SAMHD1: variants seen among roughly 807,000 people sequenced by gnomAD.
The protein encoded by SAMHD1 is deoxynucleoside triphosphate triphosphohydrolase SAMHD1.
SAMHD1 carries 54 observed loss-of-function variants against 79.6 expected under a neutral mutation model. The observed-to-expected ratio is 0.68, with a 90% confidence interval of 0.55 to 0.85. The LOEUF (loss-of-function observed/expected upper bound fraction) is 0.85. Among genes scored for constraint, SAMHD1 ranks in the 40% least tolerant of loss-of-function variants. The probability of loss-of-function intolerance (pLI) is 0.00; values close to 1 mark genes in which losing one functional copy is unlikely to be tolerated. For synonymous variants in SAMHD1, 260 were observed against 264.1 expected, an observed-to-expected ratio of 0.98 and a Z score of 0.15; for missense variants, 663 against 782.7, an observed-to-expected ratio of 0.85 and a Z score of 1.82.
chr20:36,946,077 G>C (rs1174123847), intron 2 of SAMHD1, among the ~76,000 whole-genome samples: 1 of 151,960 alleles, frequency 6.6e-6, no homozygotes, highest in African/African-American at 2.4e-5. Context: ...GAGGCCAAGA[G>C]TTCAAGACCA....
intron 9 of SAMHD1, among the ~76,000 whole-genome samples, chr20:36,915,861 T>C (rs1475323945): frequency 6.6e-6 from 1 of 151,968 alleles, no homozygotes; most frequent in Non-Finnish European, 1.5e-5. Context: ...AATACAGTGA[T>C]TAAAAATGAG....
At chr20:36,912,170 G>A in intron 10 of SAMHD1, 1 of 419,298 alleles carries the variant, frequency 2.4e-6, no homozygotes, top group Non-Finnish European at 4.4e-6. Context: ...CCTGTGCCGA[G>A]GTCCTGAGTG....
chr20:36,940,993 A>T (rs1434769617), intron 3 of SAMHD1, 46 bp downstream of exon 3: 1 of 1,368,368 alleles, frequency 7.3e-7, no homozygotes, highest in East Asian at 2.3e-5. Flanking sequence ...TAATTGAGTT[A>T]TATCACTTTA....
At chr20:36,934,254 A>G (rs1026792018) in intron 4 of SAMHD1, among the ~76,000 whole-genome samples, 2 of 151,260 alleles carry the variant, frequency 1.3e-5, no homozygotes, top group Admixed American at 6.6e-5. Flanking sequence ...GGCTGGGCAC[A>G]GTGGCTCATA....
intron 5 of SAMHD1, among the ~76,000 whole-genome samples, chr20:36,929,533 G>A (rs772125732): frequency 1.3e-5 from 2 of 152,046 alleles, no homozygotes; most frequent in Non-Finnish European, 2.9e-5. Flanking sequence ...TCAGGAGTTC[G>A]AGACCAGTTT....
chr20:36,927,599 GAGCCACCACACTCAGCCAAACTGAA>G (rs1406863211), intron 5 of SAMHD1, among the ~76,000 whole-genome samples: 1 of 152,126 alleles, frequency 6.6e-6, no homozygotes, highest in East Asian at 1.9e-4. Context: ...TTACAGGCGT[GAGCCACCACACTCAGCCAAACTGAA>G]TTCTTTAATC....
intron 1 of SAMHD1, chr20:36,947,123 A>C: frequency 3.4e-6 from 1 of 293,428 alleles, no homozygotes; most frequent in Non-Finnish European, 6.5e-6. Context: ...AGCAGCTTTG[A>C]GTTGGGGAGG....
At chr20:36,913,795 A>G (rs1367145193) in intron 9 of SAMHD1, among the ~76,000 whole-genome samples, 1 of 141,618 alleles carries the variant, frequency 7.1e-6, no homozygotes, top group East Asian at 2.1e-4. Context: ...TCTGTCACCC[A>G]GGTTGGAATG....
chr20:36,946,888 G>T (rs763668920), intron 1 of SAMHD1, 84 bp from the exon 2 acceptor site: 7 of 1,116,600 alleles, frequency 6.3e-6, no homozygotes, highest in Non-Finnish European at 9.3e-6. Flanking sequence ...CATTTACCCA[G>T]ATCCACATAA....
Position 36,898,060 on chromosome 20 carries a change from A to G in SAMHD1, c.1609-101T>C. ...ACTATTCCTTTTTTTTTGAGACAAG[A>G]TCTCCCTGTCACCCAGGCTGGAGTG... On this transcript the variant is annotated intron_variant, in intron 14 of 15. Transcript: ENST00000646673. The G allele has an allele frequency of 3.5e-6, 5 of 1,432,646 alleles. No individual in the cohort carries two copies. The South Asian group carries it at 5.7e-5, about 16-fold the overall frequency. The allele number at this position is 1,432,646 out of a possible 1,614,324, so 88.7% of individuals were successfully genotyped here. A position where few individuals can be genotyped will look rare whatever the true frequency, so the allele number is the denominator to read the frequency against.
intron 9 of SAMHD1, among the ~76,000 whole-genome samples, chr20:36,913,756 C>CTTT (rs35178473): frequency 4.4e-5 from 6 of 135,332 alleles, no homozygotes; most frequent in Admixed American, 7.6e-5. Flanking sequence ...TCATTCTTGA[C>CTTT]TTTTTTTTTT....
At chr20:36,910,092 G>A (rs934709528) in intron 11 of SAMHD1, among the ~76,000 whole-genome samples, 10 of 151,656 alleles carry the variant, frequency 6.6e-5, no homozygotes, top group Non-Finnish European at 1.2e-4. Context: ...GTGTGGTGGC[G>A]GGCGCCTGTA....
chr20:36,934,886 G>C, intron 4 of SAMHD1, 143 bp downstream of exon 4: 2 of 785,688 alleles, frequency 2.5e-6, no homozygotes, highest in Admixed American at 3.9e-5. Flanking sequence ...TTGAACTCCT[G>C]ACCTCATGTG....
In SAMHD1 at chr20:36,899,382, T is replaced by C. The variant is rs538072511; in HGVS notation, c.1504-838A>G. On this transcript the variant is annotated intron_variant, in intron 13 of 15. Transcript: ENST00000646673. ...GGCGGAGGTTGCAGTGAGTTGAGAT[T>C]GCGCCACTGCACTCCAGCCTAGGCA... 2.0e-3 allele frequency among the ~76,000 whole-genome samples: 305 copies of C among 151,566 alleles called. 1 individual carries two copies. Among genetic ancestry groups the C allele is most frequent in the African/African-American group, 6.8e-3 (282 of 41,288 alleles).
chr20:36,901,684 T>C (rs756709676), intron 13 of SAMHD1, among the ~76,000 whole-genome samples: 1 of 151,930 alleles, frequency 6.6e-6, no homozygotes, highest in Non-Finnish European at 1.5e-5. Context: ...TATAATGAGC[T>C]GTGATTACAT....
intron 5 of SAMHD1, among the ~76,000 whole-genome samples, chr20:36,928,566 T>C (rs1187201270): frequency 6.6e-6 from 1 of 151,836 alleles, no homozygotes. Context: ...GCGCCTGTAA[T>C]ACTACCTACT....
intron 5 of SAMHD1, among the ~76,000 whole-genome samples, chr20:36,929,068 A>AG: frequency 6.6e-6 from 1 of 152,070 alleles, no homozygotes; most frequent in East Asian, 1.9e-4. Flanking sequence ...AAAAAAAAAA[A>AG]AAAGAAGTGA....
At chr20:36,945,853 G>A (rs939679298) in intron 2 of SAMHD1, among the ~76,000 whole-genome samples, 1 of 151,920 alleles carries the variant, frequency 6.6e-6, no homozygotes, top group African/African-American at 2.4e-5. Context: ...TCAGTGAGCC[G>A]GGATCGCACC....
intron 6 of SAMHD1, among the ~76,000 whole-genome samples, chr20:36,925,891 C>T (rs1170169894): frequency 6.6e-6 from 1 of 152,164 alleles, no homozygotes; most frequent in African/African-American, 2.4e-5. Context: ...GGTACAACCG[C>T]ATTGGAAAAC....
Sources: gnomAD v4.1 joint callset for allele counts (sites outside exome capture counted in the v4.1 genomes callset) on GRCh38, gnomAD v4.1.1 for gene constraint, MANE v1.5 for transcripts, NCBI Gene and HGNC (gene_info 2026-07-23, HGNC 2026-07-21) for gene names.